Variants in GUCA1C observed in about 807,000 individuals in gnomAD.
GUCA1C encodes the protein guanylyl cyclase-activating protein 3.
In GUCA1C, 15 loss-of-function variants were observed where a neutral mutation model predicts 16.2. The observed-to-expected ratio is 0.93, with a 90% CI of 0.62 to 1.43. The LOEUF (loss-of-function observed/expected upper bound fraction) is 1.43. GUCA1C is among the 40% of genes most tolerant of loss of function. The pLI is 0.00. For synonymous variants in GUCA1C, 78 were observed against 85.4 expected, an observed-to-expected ratio of 0.91 and a Z score of 0.48; for missense variants, 275 against 244.8, an observed-to-expected ratio of 1.12 and a Z score of -0.82.
At chr3:108,924,421 T>C (rs1157701512) in intron 1 of GUCA1C, among the ~76,000 whole-genome samples, 2 of 152,200 alleles carry the variant, frequency 1.3e-5, no homozygotes, top group Non-Finnish European at 2.9e-5. Flanking sequence ...TTTTAAATTC[T>C]GTTTATGTGG....
intron 1 of GUCA1C, among the ~76,000 whole-genome samples, chr3:108,925,284 CA>C (rs1480449821): frequency 6.6e-6 from 1 of 152,084 alleles, no homozygotes; most frequent in Non-Finnish European, 1.5e-5. Context: ...CTCTTAGCAC[CA>C]CTTTTGCTGT....
At chr3:108,930,735 T>A (rs1019933370) in intron 1 of GUCA1C, among the ~76,000 whole-genome samples, 3 of 152,342 alleles carry the variant, frequency 2.0e-5, no homozygotes, top group East Asian at 3.9e-4. Context: ...TGAATGGGTC[T>A]CCTAAAAGAA....
At chr3:108,936,793 G>A (rs1946731877) in intron 1 of GUCA1C, among the ~76,000 whole-genome samples, 1 of 152,154 alleles carries the variant, frequency 6.6e-6, no homozygotes, top group Non-Finnish European at 1.5e-5. Flanking sequence ...TTTCATACTA[G>A]CTCAAGGGAA....
chr3:108,911,498 A>T (rs1332838264), intron 3 of GUCA1C, among the ~76,000 whole-genome samples: 1 of 152,232 alleles, frequency 6.6e-6, no homozygotes, highest in East Asian at 1.9e-4. Flanking sequence ...GATAAGAATA[A>T]CCAAGTTGTC....
chr3:108,911,534 G>A (rs1946453058), intron 3 of GUCA1C, among the ~76,000 whole-genome samples: 1 of 152,198 alleles, frequency 6.6e-6, no homozygotes, highest in South Asian at 2.1e-4. Context: ...TGAAGATTTT[G>A]AATGTCACAG....
At chr3:108,928,840 C>T (rs1011618261) in intron 1 of GUCA1C, among the ~76,000 whole-genome samples, 1 of 152,182 alleles carries the variant, frequency 6.6e-6, no homozygotes, top group Non-Finnish European at 1.5e-5. Flanking sequence ...AATTACTATA[C>T]TTTTACGGTA....
intron 1 of GUCA1C, among the ~76,000 whole-genome samples, chr3:108,938,364 A>T (rs1333913093): frequency 6.6e-6 from 1 of 152,198 alleles, no homozygotes; most frequent in Non-Finnish European, 1.5e-5. Context: ...GTGAGTTGGT[A>T]GCAACATATG....
chr3:108,931,862 CTTCTTTTTT>C (rs1946669919), intron 1 of GUCA1C, among the ~76,000 whole-genome samples: 2 of 111,486 alleles, frequency 1.8e-5, no homozygotes, highest in East Asian at 2.3e-4. Flanking sequence ...TTTTTTCTTC[CTTCTTTTTT>C]TTTTTTTTTT....
rs147004500 is a variant in GUCA1C, at chr3:108,935,721, GA to G, written c.205-15137del. ...AAAAAAAACAAAAACAACAAAAAAA[GA>G]AAGCATAAAAATATGTATGTACGAA... On this transcript the variant is annotated intron_variant, in intron 1 of 3. Coordinates refer to ENST00000261047, the MANE Select transcript of GUCA1C (RefSeq NM_005459.4). Among the ~76,000 whole-genome samples, 847 of 152,046 alleles carry G rather than the reference GA, an allele frequency of 5.6e-3. 8 individuals are homozygous for G. Among genetic ancestry groups the G allele is most frequent in the African/African-American group, 0.018 (726 of 41,484 alleles).
rs143174402 is a variant in GUCA1C at position 108,953,711 on chromosome 3, C to G, written c.52G>C (p.Glu18Gln). Reference protein sequence around the residue: ...AGDQKAVPTQETHVWYRTFMM... With the variant: ...AGDQKAVPTQQTHVWYRTFMM... The stretch of plus-strand genomic sequence containing the variant: ...AATGTTCTGTACCACACATGGGTCT[C>G]TTGTGTAGGAACTGCTTTCTGATCA... The change falls in exon 1 of 4, where the codon GAG becomes CAG. Residue 18 changes from glutamate (E) to glutamine (Q), a missense_variant. Physicochemically the swap from Glu to Gln is conservative, Grantham distance 29. Coordinates refer to ENST00000261047, the MANE Select transcript of GUCA1C (RefSeq NM_005459.4). 6.2e-7 allele frequency: 1 copy of G among 1,613,506 alleles called. No individual in the cohort carries two copies. Among genetic ancestry groups the G allele is most frequent in the Non-Finnish European group, 8.5e-7 (1 of 1,179,454 alleles).
chr3:108,932,446 G>A (rs548685598), intron 1 of GUCA1C, among the ~76,000 whole-genome samples: 2 of 151,876 alleles, frequency 1.3e-5, no homozygotes, highest in South Asian at 4.2e-4. Flanking sequence ...GAGAACCATG[G>A]ACCTAAGCTG....
chr3:108,919,661 A>T (rs1342440610), intron 2 of GUCA1C, among the ~76,000 whole-genome samples: 1 of 152,148 alleles, frequency 6.6e-6, no homozygotes, highest in Non-Finnish European at 1.5e-5. Context: ...AGTTCTACTC[A>T]CTTATTTTTC....
intron 3 of GUCA1C, chr3:108,915,793 C>G (rs909504586): frequency 5.8e-6 from 2 of 345,888 alleles, no homozygotes; most frequent in East Asian, 8.6e-5. Context: ...GAGTTTTCCT[C>G]TCCAGTGGAG....
intron 1 of GUCA1C, among the ~76,000 whole-genome samples, chr3:108,922,832 C>T (rs552980387): frequency 1.3e-5 from 2 of 152,140 alleles, no homozygotes; most frequent in Admixed American, 6.5e-5. Flanking sequence ...AGCCCCCTAC[C>T]CGCCGACAGG....
intron 1 of GUCA1C, among the ~76,000 whole-genome samples, chr3:108,938,286 A>G (rs1279046711): frequency 2.0e-5 from 3 of 152,158 alleles, no homozygotes; most frequent in Admixed American, 6.5e-5. Context: ...TCACAGCCCC[A>G]TAACCTGAAG....
At chr3:108,912,122 A>AATGATAATAATAATAATAATC (rs762101057) in intron 3 of GUCA1C, among the ~76,000 whole-genome samples, 1 of 147,720 alleles carries the variant, frequency 6.8e-6, no homozygotes. Context: ...TAATAATAAT[A>AATGATAATAATAATAATAATC]ATCACCCTTT....
intron 1 of GUCA1C, among the ~76,000 whole-genome samples, chr3:108,931,102 C>G (rs539484295): frequency 6.6e-6 from 1 of 152,308 alleles, no homozygotes; most frequent in East Asian, 1.9e-4. Flanking sequence ...ACCAAAGAGT[C>G]ACAGGAGCAT....
intron 1 of GUCA1C, among the ~76,000 whole-genome samples, chr3:108,940,801 C>T (rs1023401943): frequency 6.6e-6 from 1 of 152,192 alleles, no homozygotes; most frequent in Non-Finnish European, 1.5e-5. Context: ...CTGGATTGCA[C>T]ATTTTTTCAA....
intron 1 of GUCA1C, among the ~76,000 whole-genome samples, chr3:108,939,209 C>A (rs2593917): frequency 0.68 from 103,031 of 151,514 alleles, 35,903 homozygotes; most frequent in Non-Finnish European, 0.76. Flanking sequence ...CTTTTAAGAG[C>A]CTGGATCCTT....
Sources: gnomAD v4.1 joint callset for allele counts (sites outside exome capture counted in the v4.1 genomes callset) on GRCh38, gnomAD v4.1.1 for gene constraint, MANE v1.5 for transcripts, NCBI Gene and HGNC (gene_info 2026-07-23, HGNC 2026-07-21) for gene names.